MCTP1: variants seen among roughly 807,000 people sequenced by gnomAD.
The protein encoded by MCTP1 is multiple C2 and transmembrane domain-containing protein 1.
Under a neutral mutation model 120.6 loss-of-function variants are expected in MCTP1, and 69 were observed. The observed-to-expected ratio is 0.57, with a 90% confidence interval of 0.47 to 0.70. The LOEUF (loss-of-function observed/expected upper bound fraction) is 0.70, where lower values mean the gene tolerates loss of function less well. MCTP1 is among the 30% of genes least tolerant of loss of function. MCTP1 has a pLI of 0.00. For synonymous variants in MCTP1, 529 were observed against 493.1 expected (o/e 1.07, Z -0.96); for missense variants, 1,203 against 1,248.8 (o/e 0.96, Z 0.55).
In MCTP1 at chr5:95,188,680, G is replaced by A. The variant is rs1295708572; in HGVS notation, c.720+95176C>T. ...AATATATTACTCATTTCCAGGGGTT[G>A]GGGATGGAGGAGATGTATGTGGTTA... On this transcript the variant is annotated intron_variant, in intron 1 of 22. Coordinates refer to ENST00000515393, the MANE Select transcript of MCTP1 (RefSeq NM_024717.7). 3.3e-5 allele frequency among the ~76,000 whole-genome samples: 5 copies of A among 152,264 alleles called. No individual in the cohort carries two copies. The South Asian group carries it at 1.0e-3, about 32-fold the overall frequency.
intron 3 of MCTP1, among the ~76,000 whole-genome samples, chr5:94,952,561 A>G (rs1017715545): frequency 1.3e-5 from 2 of 152,214 alleles, no homozygotes; most frequent in African/African-American, 4.8e-5. Flanking sequence ...TGGTCACTGA[A>G]TGAACAGTCA....
At chr5:95,164,583 CAATA>C (rs1746108574) in intron 1 of MCTP1, among the ~76,000 whole-genome samples, 1 of 151,964 alleles carries the variant, frequency 6.6e-6, no homozygotes, top group Admixed American at 6.6e-5. Context: ...TTCAGATAAA[CAATA>C]AATAAGTTTT....
At chr5:95,079,663 T>C (rs1049879767) in intron 1 of MCTP1, among the ~76,000 whole-genome samples, 1 of 152,100 alleles carries the variant, frequency 6.6e-6, no homozygotes, top group African/African-American at 2.4e-5. Flanking sequence ...CACTTATCTC[T>C]TGAAACTATA....
intron 1 of MCTP1, among the ~76,000 whole-genome samples, chr5:95,235,105 A>G (rs2152662601): frequency 6.6e-6 from 1 of 152,076 alleles, no homozygotes; most frequent in Admixed American, 6.5e-5. Flanking sequence ...CAATATATAA[A>G]ATTAATATTA....
chr5:95,004,269 G>A (rs1350599548), intron 2 of MCTP1, among the ~76,000 whole-genome samples: 1 of 152,200 alleles, frequency 6.6e-6, no homozygotes, highest in Admixed American at 6.5e-5. Flanking sequence ...CATGTGCAAA[G>A]AGATTATCTG....
At chr5:94,825,217 C>T (rs1013144973) in intron 17 of MCTP1, among the ~76,000 whole-genome samples, 5 of 152,130 alleles carry the variant, frequency 3.3e-5, no homozygotes, top group East Asian at 1.9e-4. Flanking sequence ...TAGCTGTGTG[C>T]GGAAGATTCT....
At chr5:94,925,705 G>A (rs1354313972) in intron 6 of MCTP1, among the ~76,000 whole-genome samples, 1 of 152,076 alleles carries the variant, frequency 6.6e-6, no homozygotes, top group Non-Finnish European at 1.5e-5. Context: ...CACTGCGCCC[G>A]GCCAAAGTGA....
At chr5:95,170,535 G>A (rs1380817871) in intron 1 of MCTP1, among the ~76,000 whole-genome samples, 8 of 152,142 alleles carry the variant, frequency 5.3e-5, no homozygotes, top group African/African-American at 1.9e-4. Flanking sequence ...TTATTATTGT[G>A]TGGGAGTCTA....
At chr5:95,026,686 G>A (rs1439917190) in intron 1 of MCTP1, among the ~76,000 whole-genome samples, 1 of 152,150 alleles carries the variant, frequency 6.6e-6, no homozygotes. Flanking sequence ...GGAGGGGTAT[G>A]CCTGGCTTCT....
At chr5:95,135,267 C>T (rs1759366878) in intron 1 of MCTP1, among the ~76,000 whole-genome samples, 1 of 151,974 alleles carries the variant, frequency 6.6e-6, no homozygotes, top group Non-Finnish European at 1.5e-5. Flanking sequence ...ATAATATCAA[C>T]AAATCACAAA....
intron 1 of MCTP1, among the ~76,000 whole-genome samples, chr5:95,050,191 C>A (rs1256151171): frequency 4.0e-5 from 6 of 151,248 alleles, no homozygotes; most frequent in Non-Finnish European, 8.8e-5. Flanking sequence ...GCTACAGATT[C>A]AGAAAATTAA....
intron 3 of MCTP1, among the ~76,000 whole-genome samples, chr5:94,947,577 T>TATATATATATATATATATATATATATAG: frequency 1.3e-4 from 6 of 47,396 alleles, no homozygotes; most frequent in Admixed American, 2.5e-4. Flanking sequence ...TATATATATA[T>TATATATATATATATATATATATATATAG]AGAGAGAGAG....
In MCTP1 at chr5:94,732,034, G is replaced by A. The variant is rs147813651; in HGVS notation, c.2611-17148C>T. ...AGGTCATTTTATAGAAAGCTACCTA[G>A]TGGCAAATGTCCTGTGAGTTTCATC... On this transcript the variant is annotated intron_variant, in intron 19 of 22. Coordinates refer to ENST00000515393, the MANE Select transcript of MCTP1 (RefSeq NM_024717.7). Among the ~76,000 whole-genome samples the A allele has an allele frequency of 4.1e-3, 628 of 152,322 alleles. 5 individuals are homozygous for A. Among genetic ancestry groups the A allele is most frequent in the Non-Finnish European group, 6.4e-3 (433 of 68,034 alleles).
chr5:95,061,877 A>G (rs180853480), intron 1 of MCTP1, among the ~76,000 whole-genome samples: 153 of 152,314 alleles, frequency 1.0e-3, no homozygotes, highest in African/African-American at 3.6e-3. Flanking sequence ...ACATAAGGAC[A>G]CTGAGTCACA....
chr5:95,227,999 T>C (rs1022592920), intron 1 of MCTP1, among the ~76,000 whole-genome samples: 2 of 152,132 alleles, frequency 1.3e-5, no homozygotes, highest in African/African-American at 4.8e-5. Context: ...AATTATACTA[T>C]ATATCAGACA....
intron 18 of MCTP1, 46 bp downstream of exon 18, chr5:94,798,967 C>T (rs1780635845): frequency 6.3e-7 from 1 of 1,580,102 alleles, no homozygotes; most frequent in Non-Finnish European, 8.6e-7. Context: ...CAGAGGGACT[C>T]AGAATAAGAA....
chr5:94,938,326 T>C (rs1230215979), intron 5 of MCTP1, among the ~76,000 whole-genome samples: 1 of 152,054 alleles, frequency 6.6e-6, no homozygotes, highest in Non-Finnish European at 1.5e-5. Flanking sequence ...AGTGTTGTTA[T>C]GCACTCTGAT....
chr5:95,120,800 CTG>C (rs754499937), intron 1 of MCTP1, among the ~76,000 whole-genome samples: 2 of 152,148 alleles, frequency 1.3e-5, no homozygotes, highest in African/African-American at 4.8e-5. Context: ...ATTTTCATGA[CTG>C]TTATTCAACA....
At chr5:95,157,465 A>G (rs1471774496) in intron 1 of MCTP1, among the ~76,000 whole-genome samples, 2 of 152,234 alleles carry the variant, frequency 1.3e-5, no homozygotes, top group Admixed American at 6.5e-5. Context: ...ATATTATTCT[A>G]TCAAATGAAT....
Sources: gnomAD v4.1 joint callset for allele counts (sites outside exome capture counted in the v4.1 genomes callset) on GRCh38, gnomAD v4.1.1 for gene constraint, MANE v1.5 for transcripts, NCBI Gene and HGNC (gene_info 2026-07-23, HGNC 2026-07-21) for gene names.